Variants in ERBB4 observed in about 807,000 individuals in gnomAD.
ERBB4 encodes receptor tyrosine-protein kinase erbB-4.
A neutral mutation model predicts 158.0 loss-of-function variants in ERBB4; 42 were observed. That is an observed-to-expected ratio of 0.27 (90% CI 0.21 to 0.34). The LOEUF (loss-of-function observed/expected upper bound fraction) is 0.34, where lower values mean the gene tolerates loss of function less well. Among genes scored for constraint, ERBB4 ranks in the 10% least tolerant of loss-of-function variants. The pLI, the probability that ERBB4 is intolerant of heterozygous loss-of-function variation, is 1.00. For missense variants in ERBB4, 1,333 were observed against 1,624.1 expected, an observed-to-expected ratio of 0.82 and a Z score of 3.08; for synonymous variants, 583 against 558.7, an observed-to-expected ratio of 1.04 and a Z score of -0.61.
At chr2:211,403,840 A>C (rs2063094118) in intron 25 of ERBB4, among the ~76,000 whole-genome samples, 1 of 152,026 alleles carries the variant, frequency 6.6e-6, no homozygotes, top group Admixed American at 6.6e-5. Flanking sequence ...GAAGTAAGCC[A>C]GGTATGGTTT....
chr2:212,191,247 T>C (rs1373180104), intron 1 of ERBB4, among the ~76,000 whole-genome samples: 3 of 152,244 alleles, frequency 2.0e-5, no homozygotes, highest in Admixed American at 2.0e-4. Context: ...TGCTCAAGAA[T>C]TTGCATTTCT....
chr2:211,905,687 CAT>C (rs1553663459), intron 3 of ERBB4, among the ~76,000 whole-genome samples: 23 of 95,692 alleles, frequency 2.4e-4, no homozygotes, highest in East Asian at 2.8e-4. Context: ...TATATACACA[CAT>C]ATATGTGTGT....
intron 3 of ERBB4, among the ~76,000 whole-genome samples, chr2:211,925,379 T>TA: frequency 7.2e-6 from 1 of 138,114 alleles, no homozygotes; most frequent in East Asian, 2.0e-4. Context: ...AAGACTGCTT[T>TA]TTTTTTTTTT....
intron 1 of ERBB4, among the ~76,000 whole-genome samples, chr2:212,133,884 T>C (rs2125590134): frequency 6.6e-6 from 1 of 152,318 alleles, no homozygotes; most frequent in South Asian, 2.1e-4. Flanking sequence ...TTTTAAAAGC[T>C]GAATGAACTT....
At chr2:212,064,366 AG>A (rs1017099130) in intron 2 of ERBB4, among the ~76,000 whole-genome samples, 1 of 152,058 alleles carries the variant, frequency 6.6e-6, no homozygotes, top group Non-Finnish European at 1.5e-5. Flanking sequence ...ACAGATGATG[AG>A]GAACCTAGAA....
intron 2 of ERBB4, among the ~76,000 whole-genome samples, chr2:212,037,581 G>A (rs1269493811): frequency 6.6e-6 from 1 of 152,188 alleles, no homozygotes; most frequent in Non-Finnish European, 1.5e-5. Context: ...CACATTGGGT[G>A]TTCCAATGCA....
At chr2:211,422,729 C>T (rs2063540261) in intron 23 of ERBB4, among the ~76,000 whole-genome samples, 1 of 151,806 alleles carries the variant, frequency 6.6e-6, no homozygotes, top group African/African-American at 2.4e-5. Flanking sequence ...GCCAAATTAT[C>T]CTCTTCTTAG....
At chr2:211,401,843 C>A (rs1048741501) in intron 25 of ERBB4, among the ~76,000 whole-genome samples, 4 of 151,756 alleles carry the variant, frequency 2.6e-5, no homozygotes, top group Non-Finnish European at 4.4e-5. Flanking sequence ...TACCCTAGCT[C>A]TTCTACCAAT....
chr2:211,467,775 T>C (rs761964729), intron 20 of ERBB4, among the ~76,000 whole-genome samples: 10 of 152,156 alleles, frequency 6.6e-5, no homozygotes, highest in Admixed American at 1.3e-4. Flanking sequence ...GTGGAAACTG[T>C]AAATCCATGT....
intron 2 of ERBB4, among the ~76,000 whole-genome samples, chr2:211,958,473 T>C (rs766200648): frequency 2.3e-4 from 35 of 152,136 alleles, no homozygotes; most frequent in Admixed American, 4.6e-4. Context: ...TTAATTAGTG[T>C]TTTCTGTGTG....
At chr2:212,065,248 T>C (rs1331235992) in intron 2 of ERBB4, among the ~76,000 whole-genome samples, 2 of 152,054 alleles carry the variant, frequency 1.3e-5, no homozygotes. Flanking sequence ...TACTCTCTAG[T>C]ATGAATAGAA....
intron 1 of ERBB4, among the ~76,000 whole-genome samples, chr2:212,484,766 C>T (rs764812012): frequency 1.4e-4 from 21 of 152,180 alleles, no homozygotes; most frequent in Non-Finnish European, 2.4e-4. Flanking sequence ...ACCCACACGC[C>T]TCAAGTATTC....
chr2:211,472,950 C>A lies in ERBB4; in HGVS notation c.2488-41850G>T, dbSNP rs146112079. On this transcript the variant is annotated intron_variant, in intron 20 of 27. Coordinates refer to ENST00000342788, the MANE Select transcript of ERBB4 (RefSeq NM_005235.3). ...TTAATATTTATTATTATTATTTTGACTGTAGGATATAATAAGCTAAAAAAT... is the reference window on the plus strand; with the variant it reads ...TTAATATTTATTATTATTATTTTGAATGTAGGATATAATAAGCTAAAAAAT... Among the ~76,000 whole-genome samples the A allele has an allele frequency of 2.5e-3, 379 of 151,356 alleles. 5 individuals carry two copies. The highest frequency in any genetic ancestry group is 0.018 in the Admixed American group (277 of 15,154).
At chr2:212,010,423 T>C (rs77812699) in intron 2 of ERBB4, among the ~76,000 whole-genome samples, 13,400 of 152,150 alleles carry the variant, frequency 0.088, 1,163 homozygotes, top group African/African-American at 0.23. Context: ...GCAAGTTTTC[T>C]ATTAAGGATT....
intron 1 of ERBB4, among the ~76,000 whole-genome samples, chr2:212,369,565 G>A (rs2090013406): frequency 6.6e-6 from 1 of 151,746 alleles, no homozygotes; most frequent in Admixed American, 6.6e-5. Context: ...TCTTTTATCT[G>A]AATCTTACCA....
chr2:211,781,600 A>G (rs1462105574), intron 4 of ERBB4, among the ~76,000 whole-genome samples: 1 of 152,228 alleles, frequency 6.6e-6, no homozygotes, highest in African/African-American at 2.4e-5. Flanking sequence ...TTAAATGTCA[A>G]TGAATATATA....
At chr2:211,658,214 AT>A (rs1484020517) in intron 15 of ERBB4, among the ~76,000 whole-genome samples, 1 of 152,172 alleles carries the variant, frequency 6.6e-6, no homozygotes, top group Non-Finnish European at 1.5e-5. Flanking sequence ...GTAAAAGGAA[AT>A]TTTACACTGG....
At chr2:212,445,797 T>C (rs562406133) in intron 1 of ERBB4, among the ~76,000 whole-genome samples, 149 of 152,328 alleles carry the variant, frequency 9.8e-4, no homozygotes, top group Non-Finnish European at 8.5e-4. Flanking sequence ...AGGTACTTGC[T>C]GAAGTCAAAG....
chr2:212,461,089 C>G (rs901915972), intron 1 of ERBB4, among the ~76,000 whole-genome samples: 2 of 152,188 alleles, frequency 1.3e-5, no homozygotes, highest in African/African-American at 4.8e-5. Flanking sequence ...TCATAGACAC[C>G]ATCTGCTAGG....
Sources: allele counts gnomAD v4.1 joint callset (sites outside exome capture counted in the v4.1 genomes callset), GRCh38; gene constraint gnomAD v4.1.1; transcripts MANE v1.5; gene names NCBI Gene and HGNC (gene_info 2026-07-23, HGNC 2026-07-21).